The following DMXL1 variants were observed in gnomAD, a reference collection of about 807,000 sequenced individuals.
The protein encoded by DMXL1 is dmX-like protein 1.
In DMXL1, 99 loss-of-function variants were observed where a neutral mutation model predicts 319.2. The ratio of observed to expected loss-of-function variants is 0.31; its 90% confidence interval spans 0.26 to 0.37. The LOEUF (loss-of-function observed/expected upper bound fraction) is 0.37, where lower values mean the gene tolerates loss of function less well. Among genes scored for constraint, DMXL1 ranks in the 10% least tolerant of loss-of-function variants. DMXL1 has a pLI of 1.00. For missense variants in DMXL1, 3,745 were observed against 3,595.6 expected (o/e 1.04, Z -1.06); for synonymous variants, 1,385 against 1,235.2 (o/e 1.12, Z -2.54).
chr5:119,238,163 TA>T (rs1400228339), intron 40 of DMXL1, among the ~76,000 whole-genome samples: 2 of 152,002 alleles, frequency 1.3e-5, no homozygotes, highest in East Asian at 3.8e-4. Context: ...TTTTAACTTT[TA>T]AAAAAATGAA....
At chr5:119,148,420 G>T (rs1324969808) in intron 17 of DMXL1, among the ~76,000 whole-genome samples, 1 of 152,036 alleles carries the variant, frequency 6.6e-6, no homozygotes, top group Non-Finnish European at 1.5e-5. Context: ...TTTGATTTAG[G>T]CCCAAGATGT....
At chr5:119,116,131 T>G (rs956135402) in intron 6 of DMXL1, 27 bp from the exon 7 acceptor site, 2 of 1,568,242 alleles carry the variant, frequency 1.3e-6, no homozygotes, top group African/African-American at 1.4e-5. Context: ...TCTCCATGAT[T>G]TTCTGTTTTG....
At position 119,166,598 on chromosome 5, in the gene DMXL1, A is replaced by ATT; in HGVS notation, c.4971-11_4971-10dup. On this transcript the variant is annotated splice_polypyrimidine_tract_variant and intron_variant, in intron 21 of 43. Transcript: ENST00000539542. ...AATTGTATTCCAAAATTTTCACACC[A>ATT]TTTTTTTTCCTTTATAGAGCTGAAA... is the stretch of plus-strand genomic sequence containing the variant. 6.3e-7 allele frequency: 1 copy of ATT among 1,575,554 alleles called. No homozygotes were observed. The highest frequency in any genetic ancestry group is 1.2e-5 in the South Asian group (1 of 82,610).
chr5:119,151,875 C>A (rs919340436), intron 18 of DMXL1, 54 bp from the exon 19 acceptor site: 3 of 1,213,174 alleles, frequency 2.5e-6, no homozygotes, highest in Non-Finnish European at 3.6e-6. Flanking sequence ...ATTGGGTGTT[C>A]TTTTGCTTAC....
intron 33 of DMXL1, among the ~76,000 whole-genome samples, chr5:119,205,288 G>A (rs1781552953): frequency 1.3e-5 from 2 of 152,122 alleles, no homozygotes; most frequent in Admixed American, 6.5e-5. Context: ...AGATTGTCTA[G>A]TTGATTCAGG....
chr5:119,231,506 C>G (rs1786718122), intron 38 of DMXL1, among the ~76,000 whole-genome samples: 1 of 152,326 alleles, frequency 6.6e-6, no homozygotes, highest in East Asian at 1.9e-4. Flanking sequence ...ACAGTAGGCA[C>G]AAGGGGCCTA....
At chr5:119,178,899 GT>G (rs150376912) in intron 28 of DMXL1, among the ~76,000 whole-genome samples, 4,841 of 152,168 alleles carry the variant, frequency 0.032, 278 homozygotes, top group African/African-American at 0.11. Context: ...TAAATTCTTT[GT>G]TTTTTATATT....
chr5:119,233,699 TATAAGTTC>T (rs2150689152), intron 39 of DMXL1, among the ~76,000 whole-genome samples: 1 of 152,312 alleles, frequency 6.6e-6, no homozygotes, highest in East Asian at 1.9e-4. Context: ...ACCAAACGAT[TATAAGTTC>T]ACCTTATATT....
chr5:119,101,380 A>G (rs976652085), intron 2 of DMXL1, among the ~76,000 whole-genome samples: 2 of 151,914 alleles, frequency 1.3e-5, no homozygotes, highest in Non-Finnish European at 1.5e-5. Flanking sequence ...TGTTCTTTAT[A>G]TGAGACTCAC....
Position 119,197,876 on chromosome 5 carries a change from T to C in DMXL1, c.7665T>C (p.His2555=), listed in dbSNP as rs1779931404. The change falls in exon 32 of 44, where the codon CAT becomes CAC. Residue 2555 remains histidine, a synonymous_variant. Transcript: ENST00000539542. ...CACCTCAAAATTATATCGCAAGTCA[T>C]ACCGCCGAAGAGAGTTTGTCTGCAG... ...GGPPQNYIAS[H]TAEESLSAGP... 3 of 1,614,228 alleles carry C rather than the reference T, an allele frequency of 1.9e-6. No individual in the cohort carries two copies. The highest frequency in any genetic ancestry group is 2.5e-6 in the Non-Finnish European group (3 of 1,180,024).
At chr5:119,161,917 A>C (rs1020948154) in intron 19 of DMXL1, among the ~76,000 whole-genome samples, 4 of 152,182 alleles carry the variant, frequency 2.6e-5, no homozygotes, top group African/African-American at 4.8e-5. Context: ...GCTACCACCA[A>C]CGTCTGCAGG....
intron 1 of DMXL1, among the ~76,000 whole-genome samples, chr5:119,092,914 G>A (rs1337710888): frequency 6.6e-6 from 1 of 152,194 alleles, no homozygotes; most frequent in Non-Finnish European, 1.5e-5. Flanking sequence ...GGACATTTGA[G>A]TTGTTTCCCT....
chr5:119,094,394 C>T (rs1354666350), intron 1 of DMXL1, among the ~76,000 whole-genome samples: 1 of 152,224 alleles, frequency 6.6e-6, no homozygotes, highest in Non-Finnish European at 1.5e-5. Flanking sequence ...ATGTATACAG[C>T]ACAGTTTACT....
intron 34 of DMXL1, among the ~76,000 whole-genome samples, chr5:119,208,146 C>T (rs1435731397): frequency 6.6e-6 from 1 of 151,300 alleles, no homozygotes; most frequent in Non-Finnish European, 1.5e-5. Context: ...AACTTTTAAT[C>T]AGTTAACAAT....
At chr5:119,112,296 G>C (rs1384591476) in intron 5 of DMXL1, among the ~76,000 whole-genome samples, 1 of 152,164 alleles carries the variant, frequency 6.6e-6, no homozygotes, top group Admixed American at 6.5e-5. Context: ...TTGGAAGTAT[G>C]ATTCAACAGG....
chr5:119,210,983 G>A (rs188548047), intron 34 of DMXL1, among the ~76,000 whole-genome samples: 1 of 150,206 alleles, frequency 6.7e-6, no homozygotes, highest in East Asian at 1.9e-4. Flanking sequence ...ATAAGGAAAG[G>A]ATGTTGGATT....
chr5:119,240,867 CTG>C (rs1222224181), intron 42 of DMXL1, among the ~76,000 whole-genome samples: 3 of 152,126 alleles, frequency 2.0e-5, no homozygotes, highest in Non-Finnish European at 4.4e-5. Context: ...AGAAATAAAA[CTG>C]TCTTTATTCA....
At chr5:119,089,375 A>C (rs1289287073) in intron 1 of DMXL1, among the ~76,000 whole-genome samples, 5 of 130,538 alleles carry the variant, frequency 3.8e-5, no homozygotes, top group Admixed American at 9.0e-5. Flanking sequence ...GCACGATCTC[A>C]GCTCACTGCA....
Position 119,212,780 on chromosome 5 carries a change from G to A in DMXL1, c.7927-4121G>A, listed in dbSNP as rs142162132. Among the ~76,000 whole-genome samples, 154 of 151,864 alleles carry A rather than the reference G, an allele frequency of 1.0e-3. 1 individual carries two copies. The highest frequency in any genetic ancestry group is 3.6e-3 in the African/African-American group (150 of 41,378). On this transcript the variant is annotated intron_variant, in intron 34 of 43. Coordinates refer to ENST00000539542, the MANE Select transcript of DMXL1 (RefSeq NM_001290321.3). ...TTTTTTTTAACTATAATGTTATGTT[G>A]TGAGGCCTTTAACAAATAAAATTAC...
Sources: allele counts gnomAD v4.1 joint callset (sites outside exome capture counted in the v4.1 genomes callset), GRCh38; gene constraint gnomAD v4.1.1; transcripts MANE v1.5; gene names NCBI Gene and HGNC (gene_info 2026-07-23, HGNC 2026-07-21).